DNAH8: variants seen among roughly 807,000 people sequenced by gnomAD.
DNAH8 encodes dynein axonemal heavy chain 8, also known as axonemal beta dynein heavy chain 8.
Under a neutral mutation model 562.1 loss-of-function variants are expected in DNAH8, and 382 were observed. That is an observed-to-expected ratio of 0.68 (90% confidence interval 0.63 to 0.74). The LOEUF is 0.74. DNAH8 is among the 30% of genes least tolerant of loss of function. DNAH8 has a pLI of 0.00. For synonymous variants in DNAH8, 1,881 were observed against 1,919.4 expected (o/e 0.98, Z 0.52); for missense variants, 5,203 against 5,620.4 (o/e 0.93, Z 2.37).
At chr6:38,732,471 C>T (rs1049607586) in intron 4 of DNAH8, among the ~76,000 whole-genome samples, 8 of 152,118 alleles carry the variant, frequency 5.3e-5, no homozygotes, top group South Asian at 2.1e-4. Context: ...TATATTGCTA[C>T]GTACCATGTA....
intron 1 of DNAH8, among the ~76,000 whole-genome samples, chr6:38,716,124 A>G (rs1160704566): frequency 1.3e-5 from 2 of 149,716 alleles, no homozygotes; most frequent in African/African-American, 5.0e-5. Flanking sequence ...ACGCCCGGCT[A>G]ATTTTTTTTG....
At chr6:38,846,341 C>T (rs1382686628) in intron 36 of DNAH8, among the ~76,000 whole-genome samples, 1 of 152,162 alleles carries the variant, frequency 6.6e-6, no homozygotes, top group East Asian at 1.9e-4. Context: ...ATCTTGAGTG[C>T]AGCTTTAGGA....
chr6:38,916,683 G>A (rs898741184), intron 68 of DNAH8, among the ~76,000 whole-genome samples: 1 of 152,288 alleles, frequency 6.6e-6, no homozygotes, highest in East Asian at 1.9e-4. Context: ...CTTAGAACAT[G>A]TTATTGATCA....
At chr6:38,734,332 C>CA in intron 4 of DNAH8, 142 bp from the exon 5 acceptor site, 3 of 797,044 alleles carry the variant, frequency 3.8e-6, no homozygotes, top group South Asian at 2.0e-5. Context: ...GTAGACCCCC[C>CA]CCCAAAAAAA....
chr6:38,968,049 G>A (rs1428598881), intron 82 of DNAH8, among the ~76,000 whole-genome samples: 1 of 152,158 alleles, frequency 6.6e-6, no homozygotes, highest in African/African-American at 2.4e-5. Context: ...TGTTGGAAAA[G>A]ACAATCTTCT....
chr6:38,828,328 C>CTAT, intron 30 of DNAH8, 40 bp downstream of exon 30: 1 of 1,238,412 alleles, frequency 8.1e-7, no homozygotes, highest in Non-Finnish European at 1.1e-6. Flanking sequence ...TCTTAAGTCA[C>CTAT]TATCTCCAGA....
chr6:38,781,378 G>C lies in DNAH8; in HGVS notation c.2259+5G>C, dbSNP rs745926719. On this transcript the variant is annotated splice_donor_5th_base_variant and intron_variant, in intron 16 of 92. Coordinates refer to ENST00000327475, the MANE Select transcript of DNAH8 (RefSeq NM_001206927.2). ...GAGCCCATCAATTATTTCTTTGTAA[G>C]CCAAGAATTAAATTTTAATATGTGG... is the stretch of plus-strand genomic sequence containing the variant. 1.9e-6 allele frequency: 3 copies of C among 1,612,036 alleles called. No homozygotes were observed. The highest frequency in any genetic ancestry group is 1.7e-5 in the Admixed American group (1 of 59,776).
chr6:38,957,766 CA>C (rs1258575088), intron 82 of DNAH8, among the ~76,000 whole-genome samples: 2 of 141,382 alleles, frequency 1.4e-5, no homozygotes, highest in Non-Finnish European at 3.0e-5. Flanking sequence ...GGAGATTTAA[CA>C]ATTTCTTGAG....
intron 30 of DNAH8, among the ~76,000 whole-genome samples, chr6:38,829,438 G>A (rs1773646779): frequency 6.6e-6 from 1 of 152,098 alleles, no homozygotes; most frequent in Non-Finnish European, 1.5e-5. Flanking sequence ...TTACTGCCAT[G>A]TTTTCTTATG....
intron 63 of DNAH8, among the ~76,000 whole-genome samples, chr6:38,907,102 C>T (rs984083383): frequency 6.6e-6 from 1 of 152,158 alleles, no homozygotes; most frequent in Admixed American, 6.5e-5. Flanking sequence ...ATACTCATGG[C>T]TGAGATTTAT....
In DNAH8 at chr6:38,909,518, G is replaced by T. The variant is rs1583326032; in HGVS notation, c.9514G>T (p.Val3172Phe). ...NLHVVLCFSP[V>F]GEKFRARSLK... is the part of the protein sequence containing the mutation. ...TGTTTGTTGACTTTGCTATCAATAGGTTGGTGAGAAGTTCCGTGCCCGTTC... is the reference window on the plus strand; with the variant it reads ...TGTTTGTTGACTTTGCTATCAATAGTTTGGTGAGAAGTTCCGTGCCCGTTC... Residue 3172 changes from valine (V) to phenylalanine (F), a missense_variant and splice_region_variant, in exon 65 of 93, where the codon GTT becomes TTT. Coordinates refer to ENST00000327475, the MANE Select transcript of DNAH8 (RefSeq NM_001206927.2). The T allele has an allele frequency of 6.2e-7, 1 of 1,613,984 alleles. No homozygotes were observed. The highest frequency in any genetic ancestry group is 8.5e-7 in the Non-Finnish European group (1 of 1,179,922).
intron 91 of DNAH8, among the ~76,000 whole-genome samples, chr6:39,016,537 C>T (rs1166641818): frequency 1.4e-5 from 2 of 142,500 alleles, no homozygotes; most frequent in East Asian, 4.1e-4. Context: ...GGCAACAGAG[C>T]GAGACTCTGT....
chr6:38,903,608 CTTCCTTTTTT>C (rs1780227338), intron 62 of DNAH8, among the ~76,000 whole-genome samples: 2 of 120,122 alleles, frequency 1.7e-5, no homozygotes, highest in Admixed American at 8.8e-5. Flanking sequence ...TTCTTTCTTT[CTTCCTTTTTT>C]TTTTTTTTTT....
At position 38,935,620 on chromosome 6, in the gene DNAH8, T is replaced by C; in HGVS notation, c.11486T>C (p.Leu3829Ser). ...TTAGAGGCTGAGAGGGTTAAACTTT[T>C]GGAGGATGTTACTTTTAATAAGCGG... ...QELEAERVKLLEDVTFNKRKM... is the reference protein window; with the variant it reads ...QELEAERVKLSEDVTFNKRKM... The change falls in exon 77 of 93, where the codon TTG becomes TCG. Residue 3829 changes from leucine (L) to serine (S), a missense_variant. Coordinates refer to ENST00000327475, the MANE Select transcript of DNAH8 (RefSeq NM_001206927.2). 1 of 1,613,222 alleles carries C rather than the reference T, an allele frequency of 6.2e-7. No homozygotes were observed. The highest frequency in any genetic ancestry group is 8.5e-7 in the Non-Finnish European group (1 of 1,179,706).
rs773003326 is a variant in DNAH8, at chr6:38,915,239, C to T, written c.10002C>T (p.Ala3334=). Residue 3334 remains alanine, a synonymous_variant, in exon 68 of 93, where the codon GCC becomes GCT. Transcript: ENST00000327475. ...TCACAGTAAGCGCTCAGGCTTCAGC[C>T]AAAATTAAAAATGAAGTACAGGAGG... is the stretch of plus-strand genomic sequence containing the variant. ...AEVTVSAQAS[A]KIKNEVQEVK... 5.6e-6 allele frequency: 9 copies of T among 1,606,770 alleles called. No homozygotes were observed. Among genetic ancestry groups the T allele is most frequent in the Non-Finnish European group, 7.6e-6 (9 of 1,177,428 alleles).
At chr6:38,895,921 C>G in intron 59 of DNAH8, 112 bp from the exon 60 acceptor site, 1 of 821,756 alleles carries the variant, frequency 1.2e-6, no homozygotes, top group South Asian at 1.8e-5. Flanking sequence ...TATTGTTTCC[C>G]TGTCCTGAAT....
rs1414244980 is a variant in DNAH8 at position 38,874,096 on chromosome 6, C to CTTTCTTTCTT, written c.7620+721_7620+722insTTCTTTCTTT. Among the ~76,000 whole-genome samples, 9 of 81,620 alleles carry CTTTCTTTCTT rather than the reference C, an allele frequency of 1.1e-4. 2 individuals carry two copies. The highest frequency in any genetic ancestry group is 2.0e-4 in the Non-Finnish European group (8 of 40,698). The allele number at this position is 81,620 out of a possible 152,430, so 53.5% of individuals were successfully genotyped here. On this transcript the variant is annotated intron_variant, in intron 52 of 92. Transcript: ENST00000327475. ...TCTTTCTTTCTTTCTTTCTTTCTTT[C>CTTTCTTTCTT]TCTTTCTCCTTCCTTCCTTCCTCCT...
intron 66 of DNAH8, 105 bp downstream of exon 66, chr6:38,911,691 C>T: frequency 1.3e-6 from 1 of 776,734 alleles, no homozygotes. Flanking sequence ...GAAATACTCA[C>T]TTTGTTAGTA....
intron 41 of DNAH8, among the ~76,000 whole-genome samples, chr6:38,855,251 C>CA (rs1188457604): frequency 2.0e-5 from 3 of 151,768 alleles, no homozygotes; most frequent in Non-Finnish European, 4.4e-5. Flanking sequence ...TTGGAAAATG[C>CA]AAAAAATATA....
Sources: gnomAD v4.1 joint callset for allele counts (sites outside exome capture counted in the v4.1 genomes callset) on GRCh38, gnomAD v4.1.1 for gene constraint, MANE v1.5 for transcripts, NCBI Gene and HGNC (gene_info 2026-07-23, HGNC 2026-07-21) for gene names.